NAA15: variants seen among roughly 807,000 people sequenced by gnomAD.
The protein encoded by NAA15 is N-terminal acetyltransferase.
Under a neutral mutation model 114.0 loss-of-function variants are expected in NAA15, and 34 were observed. The ratio of observed to expected loss-of-function variants is 0.30; its 90% CI spans 0.23 to 0.40. The LOEUF (loss-of-function observed/expected upper bound fraction) is 0.40. NAA15 is among the 10% of genes least tolerant of loss of function. The probability of loss-of-function intolerance (pLI) is 1.00; values close to 1 mark genes in which losing one functional copy is unlikely to be tolerated. For missense variants in NAA15, 658 were observed against 1,004.5 expected, an observed-to-expected ratio of 0.66 and a Z score of 4.66; for synonymous variants, 340 against 338.0, an observed-to-expected ratio of 1.01 and a Z score of -0.06.
intron 1 of NAA15, among the ~76,000 whole-genome samples, chr4:139,322,933 C>T (rs528679040): frequency 5.9e-5 from 9 of 151,980 alleles, no homozygotes; most frequent in South Asian, 2.1e-4. Context: ...TCAAGTGACC[C>T]GCCCACCTTG....
Position 139,386,844 on chromosome 4 carries a change from C to G in NAA15, c.2400+614C>G, listed in dbSNP as rs558012975. ...CTCAAAATAAAGAAAGATGTATTTA[C>G]TAGGGGCTAAATAAAAATACTTATT... On this transcript the variant is annotated intron_variant, in intron 19 of 19. Coordinates refer to ENST00000296543, the MANE Select transcript of NAA15 (RefSeq NM_057175.5). Among the ~76,000 whole-genome samples the G allele has an allele frequency of 1.5e-4, 23 of 152,090 alleles. No individual in the cohort carries two copies. The South Asian group carries it at 4.6e-3, about 30-fold the overall frequency.
intron 1 of NAA15, among the ~76,000 whole-genome samples, chr4:139,306,391 G>A (rs1019733423): frequency 7.1e-6 from 1 of 141,330 alleles, no homozygotes; most frequent in Non-Finnish European, 1.6e-5. Flanking sequence ...ACCACACTCG[G>A]CTAATTTTTT....
intron 1 of NAA15, among the ~76,000 whole-genome samples, chr4:139,308,454 A>G (rs1579079502): frequency 6.6e-6 from 1 of 152,190 alleles, no homozygotes; most frequent in Non-Finnish European, 1.5e-5. Flanking sequence ...CAGTTTTGCA[A>G]CTAAGAGTGG....
intron 7 of NAA15, among the ~76,000 whole-genome samples, chr4:139,350,208 T>G (rs760311875): frequency 6.6e-6 from 1 of 152,158 alleles, no homozygotes; most frequent in Non-Finnish European, 1.5e-5. Context: ...TTTGGGAGGC[T>G]GGGGCGGGAG....
intron 1 of NAA15, among the ~76,000 whole-genome samples, chr4:139,311,133 A>G (rs1746211305): frequency 6.6e-6 from 1 of 151,808 alleles, no homozygotes; most frequent in Non-Finnish European, 1.5e-5. Context: ...TTCCTTGGCT[A>G]GCAGTCAGTC....
intron 17 of NAA15, among the ~76,000 whole-genome samples, chr4:139,383,358 ACTCT>A (rs1317162308): frequency 6.6e-6 from 1 of 152,084 alleles, no homozygotes; most frequent in African/African-American, 2.4e-5. Flanking sequence ...AAAGCTCCAG[ACTCT>A]CTCTTTATAC....
chr4:139,358,557 TA>T (rs1398095060), intron 11 of NAA15, among the ~76,000 whole-genome samples: 1 of 152,208 alleles, frequency 6.6e-6, no homozygotes, highest in Non-Finnish European at 1.5e-5. Flanking sequence ...TTAGATTTTT[TA>T]AAAAAATTAT....
intron 3 of NAA15, among the ~76,000 whole-genome samples, chr4:139,338,966 A>G (rs1043360790): frequency 5.3e-5 from 8 of 152,012 alleles, no homozygotes; most frequent in Admixed American, 5.2e-4. Flanking sequence ...GCATGCCACC[A>G]TACCTGGGTG....
At position 139,390,930 on chromosome 4, in the gene NAA15, A is replaced by C. The variant is rs976253143; in HGVS notation, c.*2846A>C. 1 of 152,202 alleles carries C rather than the reference A, an allele frequency of 6.6e-6. No individual in the cohort carries two copies. Among genetic ancestry groups the C allele is most frequent in the African/African-American group, 2.4e-5 (1 of 41,448 alleles). The allele number at this position is 152,202 out of a possible 1,614,324, so 9.4% of individuals were successfully genotyped here. On this transcript the variant is annotated 3_prime_UTR_variant, in exon 20 of 20. Coordinates refer to ENST00000296543, the MANE Select transcript of NAA15 (RefSeq NM_057175.5). ...AAGCTGTGACTTTATGAAGAGATCA[A>C]AAAAAGTGTGGTCCAGATTCAGGTA...
intron 1 of NAA15, among the ~76,000 whole-genome samples, chr4:139,320,673 A>C (rs1746568175): frequency 6.6e-6 from 1 of 152,108 alleles, no homozygotes. Context: ...GGCGCATGCC[A>C]CCACGCCTGG....
Position 139,386,461 on chromosome 4 carries a change from G to A in NAA15, c.2400+231G>A, listed in dbSNP as rs1043718569. 8.5e-5 allele frequency: 26 copies of A among 307,102 alleles called. No homozygotes were observed. The East Asian group carries it at 9.5e-4, about 11-fold the overall frequency. The allele number at this position is 307,102 out of a possible 1,614,324, so 19.0% of individuals were successfully genotyped here. A position where few individuals can be genotyped will look rare whatever the true frequency, so the allele number is the denominator to read the frequency against. ...TTAATAAAATCATATACATTCCATC[G>A]TCATTTTTGGATTTCATTTCATATC... On this transcript the variant is annotated intron_variant, in intron 19 of 19. Transcript: ENST00000296543.
At chr4:139,322,168 G>A (rs947141074) in intron 1 of NAA15, among the ~76,000 whole-genome samples, 2 of 152,142 alleles carry the variant, frequency 1.3e-5, no homozygotes, top group African/African-American at 2.4e-5. Context: ...GAATTCCCAC[G>A]TGTTGTGGGA....
At position 139,334,786 on chromosome 4, in the gene NAA15, AG is replaced by A. The variant is rs148001697; in HGVS notation, c.139+530del. On this transcript the variant is annotated intron_variant, in intron 2 of 19. Coordinates refer to ENST00000296543, the MANE Select transcript of NAA15 (RefSeq NM_057175.5). ...TGTGGCTAAACTTGAGAGGAGGCAA[AG>A]GAAAAATAAGTTTTGGCAGGTCTGA... 8.2e-3 allele frequency among the ~76,000 whole-genome samples: 1,243 copies of A among 152,262 alleles called. 18 individuals carry two copies. Among genetic ancestry groups the A allele is most frequent in the African/African-American group, 0.028 (1,177 of 41,548 alleles).
At chr4:139,314,397 T>C (rs1033590960) in intron 1 of NAA15, among the ~76,000 whole-genome samples, 1 of 151,896 alleles carries the variant, frequency 6.6e-6, no homozygotes, top group Non-Finnish European at 1.5e-5. Flanking sequence ...AACATGAAAT[T>C]TAAAATGTTA....
At chr4:139,338,179 CA>C (rs1332419991) in intron 3 of NAA15, among the ~76,000 whole-genome samples, 2 of 152,010 alleles carry the variant, frequency 1.3e-5, no homozygotes, top group Non-Finnish European at 2.9e-5. Flanking sequence ...TCCTGAAATA[CA>C]GGATATTAGT....
chr4:139,364,789 TC>T (rs1401089615), intron 14 of NAA15, among the ~76,000 whole-genome samples: 6 of 152,224 alleles, frequency 3.9e-5, no homozygotes, highest in Non-Finnish European at 7.3e-5. Context: ...TAGCTTGTCT[TC>T]CAGAAAGTTT....
chr4:139,368,271 T>C lies in NAA15; in HGVS notation c.1754-1940T>C, dbSNP rs1208711033. Among the ~76,000 whole-genome samples, 3 of 152,222 alleles carry C rather than the reference T, an allele frequency of 2.0e-5. No individual in the cohort carries two copies. The South Asian group carries it at 6.2e-4, about 31-fold the overall frequency. On this transcript the variant is annotated intron_variant, in intron 14 of 19. Transcript: ENST00000296543. Reference sequence around the variant, plus strand: ...TATGTTTCTGAAGACTCTGGGTCTCTCAGGCAGCTGAAGTCAAGATGTTGG... The same window carrying C: ...TATGTTTCTGAAGACTCTGGGTCTCCCAGGCAGCTGAAGTCAAGATGTTGG...
chr4:139,361,598 A>G (rs1748132786), intron 13 of NAA15, 126 bp from the exon 14 acceptor site: 1 of 604,236 alleles, frequency 1.7e-6, no homozygotes, highest in Non-Finnish European at 2.8e-6. Flanking sequence ...AATAATTGTA[A>G]TTGTTTTTTT....
intron 1 of NAA15, among the ~76,000 whole-genome samples, chr4:139,310,147 CTTCT>C (rs1471022940): frequency 6.6e-6 from 1 of 152,100 alleles, no homozygotes; most frequent in Non-Finnish European, 1.5e-5. Flanking sequence ...TCAAATATAT[CTTCT>C]TTCTTCATAA....
Sources: allele counts gnomAD v4.1 joint callset (sites outside exome capture counted in the v4.1 genomes callset), GRCh38; gene constraint gnomAD v4.1.1; transcripts MANE v1.5; gene names NCBI Gene and HGNC (gene_info 2026-07-23, HGNC 2026-07-21).